ZNF653: variants seen among roughly 807,000 people sequenced by gnomAD.
ZNF653 encodes 67 kDa zinc finger protein.
ZNF653 carries 37 observed loss-of-function variants against 59.9 expected under a neutral mutation model. That is an observed-to-expected ratio of 0.62 (90% CI 0.48 to 0.81). ZNF653 has a LOEUF of 0.81. Among genes scored for constraint, ZNF653 ranks in the 40% least tolerant of loss-of-function variants. ZNF653 has a pLI of 0.00. For synonymous variants in ZNF653, 435 were observed against 371.8 expected (o/e 1.17, Z -1.96); for missense variants, 808 against 881.1 (o/e 0.92, Z 1.05).
Position 11,495,757 on chromosome 19 carries a change from G to A in ZNF653, c.559+193C>T. On this transcript the variant is annotated intron_variant, in intron 3 of 8. Coordinates refer to ENST00000293771, the MANE Select transcript of ZNF653 (RefSeq NM_138783.4). The surrounding 1 kb of genome is among the most constrained non-coding windows in gnomAD (Gnocchi z 4.9). ...AAAGAGGGACTGCCTCCCCACTCAA[G>A]CTCTGTAAGGACGCAAAGAGGGCAA... 1 of 608,674 alleles carries A rather than the reference G, an allele frequency of 1.6e-6. No homozygotes were observed. The highest frequency in any genetic ancestry group is 2.9e-6 in the Non-Finnish European group (1 of 346,340). 37.7% of individuals were successfully genotyped at this position (608,674 alleles called of 1,614,324 possible).
intron 3 of ZNF653, among the ~76,000 whole-genome samples, chr19:11,491,435 A>C (rs901461999): frequency 1.3e-5 from 2 of 152,156 alleles, no homozygotes; most frequent in African/African-American, 2.4e-5. Flanking sequence ...GTATGTGGGA[A>C]ACAAACCACT....
rs182591551 is a variant in ZNF653 at position 11,495,515 on chromosome 19, C to T, written c.559+435G>A. The T allele has an allele frequency of 1.2e-4, 22 of 183,282 alleles. No individual in the cohort carries two copies. Among genetic ancestry groups the T allele is most frequent in the African/African-American group, 4.9e-4 (20 of 40,840 alleles). The allele number at this position is 183,282 out of a possible 1,614,324, so 11.4% of individuals were successfully genotyped here. A position where few individuals can be genotyped will look rare whatever the true frequency, so the allele number is the denominator to read the frequency against. ...AATGCAACTGGGAGCCAGAGAAAAT[C>T]GAAAAGGAGGTAGCGGCCAGCTTAG... On this transcript the variant is annotated intron_variant, in intron 3 of 8. Transcript: ENST00000293771. This position sits in a 1 kb window ranked among gnomAD's most constrained non-coding sequence, Gnocchi z 4.9.
At chr19:11,498,593 G>A (rs557126265) in intron 1 of ZNF653, among the ~76,000 whole-genome samples, 1 of 150,854 alleles carries the variant, frequency 6.6e-6, no homozygotes, top group East Asian at 2.0e-4. Flanking sequence ...ACAGGTGCAC[G>A]CCACCACACC....
At chr19:11,492,683 C>T (rs534559955) in intron 3 of ZNF653, among the ~76,000 whole-genome samples, 4 of 152,182 alleles carry the variant, frequency 2.6e-5, no homozygotes, top group African/African-American at 4.8e-5. Flanking sequence ...GCTTACAATC[C>T]GCTTCCCCTC....
intron 3 of ZNF653, among the ~76,000 whole-genome samples, chr19:11,492,029 C>T (rs1971535164): frequency 6.6e-6 from 1 of 151,992 alleles, no homozygotes; most frequent in Non-Finnish European, 1.5e-5. Flanking sequence ...AAAGCACATA[C>T]CACCTTACAG....
Position 11,483,539 on chromosome 19 carries a change from AG to A in ZNF653, c.*142del, listed in dbSNP as rs1362672025. The A allele has an allele frequency of 7.1e-7, 1 of 1,403,176 alleles. No individual in the cohort carries two copies. 86.9% of individuals were successfully genotyped at this position (1,403,176 alleles called of 1,614,324 possible). A position where few individuals can be genotyped will look rare whatever the true frequency, so the allele number is the denominator to read the frequency against. On this transcript the variant is annotated 3_prime_UTR_variant, in exon 9 of 9. Transcript: ENST00000293771. ...GTGGGGCGGGGTGGGGAACCTGCCC[AG>A]GGGGCCCAGCTCTGGGGCGGGGCGG... is the stretch of plus-strand genomic sequence containing the variant.
intron 3 of ZNF653, among the ~76,000 whole-genome samples, chr19:11,494,217 G>C (rs139255090): frequency 0.013 from 1,899 of 150,994 alleles, 39 homozygotes; most frequent in African/African-American, 0.044. Flanking sequence ...AGCTACTAGG[G>C]AGGCTGAGGT....
chr19:11,483,952 G>C (rs1971436890), intron 8 of ZNF653, 90 bp downstream of exon 8: 1 of 1,522,278 alleles, frequency 6.6e-7, no homozygotes, highest in Non-Finnish European at 8.8e-7. Context: ...ACCGGGCCCA[G>C]ACACTGCGTT....
At position 11,483,534 on chromosome 19, in the gene ZNF653, T is replaced by C; in HGVS notation, c.*148A>G. On this transcript the variant is annotated 3_prime_UTR_variant, in exon 9 of 9. Transcript: ENST00000293771. ...ATGCGGTGGGGCGGGGTGGGGAACC[T>C]GCCCAGGGGGCCCAGCTCTGGGGCG... 4.3e-6 allele frequency: 6 copies of C among 1,397,874 alleles called. No homozygotes were observed. The highest frequency in any genetic ancestry group is 1.5e-5 in the African/African-American group (1 of 66,518). 86.6% of individuals were successfully genotyped at this position (1,397,874 alleles called of 1,614,324 possible).
chr19:11,483,765 C>T lies in ZNF653; in HGVS notation c.1765G>A (p.Asp589Asn), dbSNP rs2092121504. 6.2e-7 allele frequency: 1 copy of T among 1,613,582 alleles called. No homozygotes were observed. The highest frequency in any genetic ancestry group is 1.1e-5 in the South Asian group (1 of 91,040). ...TTCTCGAAGCGCTTCCCGCAGCGATCGCACGTGAAGTTGTACTGCACCTCC... is the reference window on the plus strand; with the variant it reads ...TTCTCGAAGCGCTTCCCGCAGCGATTGCACGTGAAGTTGTACTGCACCTCC... ...TAEVQYNFTC[D>N]RCGKRFEKLD... Residue 589 changes from aspartate (D) to asparagine (N), a missense_variant, in exon 9 of 9, where the codon GAT becomes AAT. By Grantham distance (23) the Asp-to-Asn change is conservative (BLOSUM62 1). Transcript: ENST00000293771.
At chr19:11,496,194 T>C in intron 2 of ZNF653, 29 bp from the exon 3 acceptor site, 3 of 1,607,350 alleles carry the variant, frequency 1.9e-6, no homozygotes, top group Non-Finnish European at 2.5e-6. Flanking sequence ...GGAGTGGGTA[T>C]AAGGGACAGG....
At position 11,487,401 on chromosome 19, in the gene ZNF653, C is replaced by G. The variant is rs762876422; in HGVS notation, c.1062G>C (p.Val354=). ...GVPGSGLGEE[V]PCAMMEGVAA... ...CCACACCCTCCATCATGGCACAGGG[C>G]ACCTCCTCGCCCAGTCCACTGCCGG... Residue 354 remains valine, a synonymous_variant, in exon 4 of 9, where the codon GTG becomes GTC. Transcript: ENST00000293771. The surrounding 1 kb of genome is among the most constrained non-coding windows in gnomAD (Gnocchi z 5.1). 6.2e-6 allele frequency: 10 copies of G among 1,612,246 alleles called. No homozygotes were observed. In the East Asian group the frequency reaches 2.0e-4, roughly 32 times the overall value.
At position 11,484,600 on chromosome 19, in the gene ZNF653, G is replaced by A. The variant is rs576447957; in HGVS notation, c.1571-459C>T. Among the ~76,000 whole-genome samples, 20 of 151,852 alleles carry A rather than the reference G, an allele frequency of 1.3e-4. No individual in the cohort carries two copies. The South Asian group carries it at 3.5e-3, about 27-fold the overall frequency. ...CTAATTTTGTATTTTTAGTAGAGAC[G>A]GGGTTTCTCTATGTTGGTCAGGCTG... On this transcript the variant is annotated intron_variant, in intron 7 of 8. Transcript: ENST00000293771.
chr19:11,494,264 G>A (rs1439756278), intron 3 of ZNF653, among the ~76,000 whole-genome samples: 1 of 151,890 alleles, frequency 6.6e-6, no homozygotes, highest in East Asian at 1.9e-4. Context: ...AGAGGTTGCA[G>A]TGAGCCAAGA....
intron 1 of ZNF653, among the ~76,000 whole-genome samples, chr19:11,499,444 G>A (rs1480771746): frequency 6.6e-6 from 1 of 152,052 alleles, no homozygotes; most frequent in Non-Finnish European, 1.5e-5. Flanking sequence ...GAGAGGCTGA[G>A]AGTGGTCTTG....
Position 11,487,614 on chromosome 19 carries a change from C to T in ZNF653, c.849G>A (p.Val283=). 6.2e-7 allele frequency: 1 copy of T among 1,613,898 alleles called. No homozygotes were observed. The highest frequency in any genetic ancestry group is 2.2e-5 in the East Asian group (1 of 44,880). Residue 283 remains valine (V), a synonymous_variant, in exon 4 of 9, where the codon GTG becomes GTA. Transcript: ENST00000293771. The surrounding 1 kb of genome is among the most constrained non-coding windows in gnomAD (Gnocchi z 5.1). ...LETVVCVPVP[V]QVGAGPSALF... is the part of the protein sequence containing the mutation. Reference sequence around the variant, plus strand: ...GGGCGCTGGGGCCCGCACCCACTTGCACAGGCACCGGCACGCACACCACTG... The same window carrying T: ...GGGCGCTGGGGCCCGCACCCACTTGTACAGGCACCGGCACGCACACCACTG...
Position 11,505,525 on chromosome 19 carries a change from T to C in ZNF653, c.262A>G (p.Ile88Val), listed in dbSNP as rs1971708927. 1.3e-6 allele frequency: 2 copies of C among 1,515,160 alleles called. No homozygotes were observed. The highest frequency in any genetic ancestry group is 1.7e-6 in the Non-Finnish European group (2 of 1,143,846). 93.9% of individuals were successfully genotyped at this position (1,515,160 alleles called of 1,614,324 possible). A position where few individuals can be genotyped will look rare whatever the true frequency, so the allele number is the denominator to read the frequency against. ...WSDAKLAAYL[I>V]SLERGQRSGR... ...CTCCGCTGGCCGCGCTCCAGAGAGA[T>C]GAGGTAGGCGGCGAGCTTGGCGTCG... The change falls in exon 1 of 9, where the codon ATC becomes GTC. Residue 88 changes from isoleucine to valine, a missense_variant. Coordinates refer to ENST00000293771, the MANE Select transcript of ZNF653 (RefSeq NM_138783.4).
chr19:11,489,313 C>T (rs1194725621), intron 3 of ZNF653, among the ~76,000 whole-genome samples: 1 of 152,168 alleles, frequency 6.6e-6, no homozygotes. Flanking sequence ...AACTCTTGTG[C>T]CTCAGCCTCC....
In ZNF653 at chr19:11,483,595, C is replaced by T; in HGVS notation, c.*87G>A. On this transcript the variant is annotated 3_prime_UTR_variant, in exon 9 of 9. Transcript: ENST00000293771. ...GCCTCCTTCCGGCCCGCGGTCCGGG[C>T]GGCCCTCGCAGCTGTCCAGGCCCCG... 8 of 1,501,358 alleles carry T rather than the reference C, an allele frequency of 5.3e-6. No individual in the cohort carries two copies. Among genetic ancestry groups the T allele is most frequent in the African/African-American group, 1.4e-5 (1 of 71,926 alleles). The allele number at this position is 1,501,358 out of a possible 1,614,324, so 93.0% of individuals were successfully genotyped here.
Sources: gnomAD v4.1 joint callset for allele counts (sites outside exome capture counted in the v4.1 genomes callset) on GRCh38, gnomAD v4.1.1 for gene constraint, Gnocchi (gnomAD v3.1) non-coding constraint, MANE v1.5 for transcripts, NCBI Gene and HGNC (gene_info 2026-07-23, HGNC 2026-07-21) for gene names.